The following CACNA2D1 variants were observed in gnomAD, a reference collection of about 807,000 sequenced individuals.
CACNA2D1 encodes voltage-dependent calcium channel subunit alpha-2/delta-1.
A neutral mutation model predicts 171.5 loss-of-function variants in CACNA2D1; 53 were observed. That is an observed-to-expected ratio of 0.31 (90% confidence interval 0.25 to 0.39). The LOEUF is 0.39. Among genes scored for constraint, CACNA2D1 ranks in the 10% least tolerant of loss-of-function variants. CACNA2D1 has a pLI of 1.00. For synonymous variants in CACNA2D1, 442 were observed against 443.1 expected (o/e 1.00, Z 0.03); for missense variants, 903 against 1,299.8 (o/e 0.69, Z 4.69).
chr7:82,237,205 A>G (rs549549840), intron 3 of CACNA2D1, among the ~76,000 whole-genome samples: 21 of 152,128 alleles, frequency 1.4e-4, no homozygotes, highest in Admixed American at 3.3e-4. Context: ...AAAAAATTTT[A>G]CAAGTCTCCC....
At chr7:82,097,914 G>T (rs999913544) in intron 6 of CACNA2D1, among the ~76,000 whole-genome samples, 4 of 152,032 alleles carry the variant, frequency 2.6e-5, no homozygotes, top group African/African-American at 9.7e-5. Context: ...AGGAGTTCAA[G>T]ACCAGCCTGG....
chr7:81,963,544 G>T (rs1242781119), intron 34 of CACNA2D1, among the ~76,000 whole-genome samples: 2 of 151,912 alleles, frequency 1.3e-5, no homozygotes, highest in African/African-American at 4.8e-5. Context: ...GGGAGGTTTG[G>T]AAGGTAGCAT....
chr7:82,424,364 T>C (rs1828995340), intron 1 of CACNA2D1, among the ~76,000 whole-genome samples: 1 of 152,176 alleles, frequency 6.6e-6, no homozygotes. Flanking sequence ...ATTTTTTTCT[T>C]TGAAAAACAG....
intron 1 of CACNA2D1, among the ~76,000 whole-genome samples, chr7:82,356,307 C>G (rs966938229): frequency 7.9e-5 from 12 of 152,102 alleles, no homozygotes; most frequent in Non-Finnish European, 1.8e-4. Context: ...CACACATTTC[C>G]ATGCATGTTG....
intron 3 of CACNA2D1, among the ~76,000 whole-genome samples, chr7:82,236,052 A>G (rs1319710191): frequency 6.6e-6 from 1 of 152,100 alleles, no homozygotes; most frequent in Non-Finnish European, 1.5e-5. Context: ...GTGAAAAGCC[A>G]AGGAGTGAAC....
intron 1 of CACNA2D1, among the ~76,000 whole-genome samples, chr7:82,380,957 AGT>A: frequency 6.6e-6 from 1 of 152,030 alleles, no homozygotes; most frequent in African/African-American, 2.4e-5. Context: ...GGCCTCCCAA[AGT>A]GCTGGGACTA....
At chr7:82,149,502 C>T (rs1237778861) in intron 4 of CACNA2D1, among the ~76,000 whole-genome samples, 2 of 152,002 alleles carry the variant, frequency 1.3e-5, no homozygotes, top group African/African-American at 4.8e-5. Flanking sequence ...TCAAAACGGT[C>T]ACATCCAAAG....
intron 6 of CACNA2D1, among the ~76,000 whole-genome samples, chr7:82,103,395 G>A (rs185827487): frequency 1.5e-4 from 23 of 152,296 alleles, no homozygotes; most frequent in African/African-American, 4.8e-4. Flanking sequence ...TTTTAATTAA[G>A]AGAGGAGAAA....
intron 3 of CACNA2D1, among the ~76,000 whole-genome samples, chr7:82,210,748 G>C (rs1013438096): frequency 6.6e-6 from 1 of 152,050 alleles, no homozygotes; most frequent in African/African-American, 2.4e-5. Flanking sequence ...TTAGGTAAGG[G>C]GAAACGTCTA....
At position 82,391,364 on chromosome 7, in the gene CACNA2D1, A is replaced by G. The variant is rs568073027; in HGVS notation, c.96-41715T>C. Among the ~76,000 whole-genome samples, 8 of 152,310 alleles carry G rather than the reference A, an allele frequency of 5.3e-5. No homozygotes were observed. In the East Asian group the frequency reaches 7.7e-4, roughly 15 times the overall value. On this transcript the variant is annotated intron_variant, in intron 1 of 38. Coordinates refer to ENST00000356860, the MANE Select transcript of CACNA2D1 (RefSeq NM_000722.4). ...AACAGTAGATTGATTATGACTGGCA[A>G]ACCATGCAGTGCAGTCTCCACTTCT...
chr7:82,138,426 G>GTTTTTTTTTTTTTTTTT (rs1159205363), intron 4 of CACNA2D1, among the ~76,000 whole-genome samples: 1 of 101,314 alleles, frequency 9.9e-6, no homozygotes. Context: ...TATAGCATTA[G>GTTTTTTTTTTTTTTTTT]TTTTGTTTTT....
At chr7:82,232,861 C>CAAAAAAAAAAAAAAAAAAAAA (rs71093370) in intron 3 of CACNA2D1, among the ~76,000 whole-genome samples, 1 of 52,412 alleles carries the variant, frequency 1.9e-5, no homozygotes, top group African/African-American at 6.6e-5. Context: ...GAGATGTCTC[C>CAAAAAAAAAAAAAAAAAAAAA]AAAAAAAAAA....
At chr7:82,430,055 G>C (rs1232482096) in intron 1 of CACNA2D1, among the ~76,000 whole-genome samples, 1 of 152,110 alleles carries the variant, frequency 6.6e-6, no homozygotes, top group Admixed American at 6.6e-5. Context: ...TATTTTTAAA[G>C]TGACAAACTT....
rs377718547 is a variant in CACNA2D1, at chr7:82,212,681, T to C, written c.295-42072A>G. Among the ~76,000 whole-genome samples, 6 of 152,358 alleles carry C rather than the reference T, an allele frequency of 3.9e-5. No individual in the cohort carries two copies. The East Asian group carries it at 7.7e-4, about 20-fold the overall frequency. On this transcript the variant is annotated intron_variant, in intron 3 of 38. Coordinates refer to ENST00000356860, the MANE Select transcript of CACNA2D1 (RefSeq NM_000722.4). ...GTCATGGCTGAAGCCATTTGCCCTT[T>C]AGACTTTGTCTGAACTGGCACAATT...
intron 1 of CACNA2D1, among the ~76,000 whole-genome samples, chr7:82,406,802 G>A (rs192134528): frequency 6.6e-6 from 1 of 151,540 alleles, no homozygotes; most frequent in Non-Finnish European, 1.5e-5. Context: ...TAGTTTTGGG[G>A]ACAAGTCTTT....
At chr7:81,954,530 A>G (rs1792993788) in intron 38 of CACNA2D1, among the ~76,000 whole-genome samples, 1 of 152,064 alleles carries the variant, frequency 6.6e-6, no homozygotes, top group Non-Finnish European at 1.5e-5. Context: ...TTTTGAAGTT[A>G]CTGTTGCTAA....
At chr7:81,979,181 G>A (rs1796188447) in intron 24 of CACNA2D1, among the ~76,000 whole-genome samples, 2 of 152,108 alleles carry the variant, frequency 1.3e-5, no homozygotes, top group South Asian at 4.1e-4. Context: ...GGAGGGTTGG[G>A]GAAGGATGGG....
At chr7:82,155,358 A>T (rs1393666688) in intron 4 of CACNA2D1, among the ~76,000 whole-genome samples, 1 of 152,176 alleles carries the variant, frequency 6.6e-6, no homozygotes, top group Non-Finnish European at 1.5e-5. Context: ...ACTGATGTTC[A>T]GGTAGGTAAG....
chr7:82,280,099 A>G (rs1485440440), intron 3 of CACNA2D1, among the ~76,000 whole-genome samples: 3 of 152,156 alleles, frequency 2.0e-5, no homozygotes, highest in African/African-American at 7.2e-5. Context: ...AATCTTGTGA[A>G]TCAAAAAGAA....
Sources: gnomAD v4.1 joint callset for allele counts (sites outside exome capture counted in the v4.1 genomes callset) on GRCh38, gnomAD v4.1.1 for gene constraint, MANE v1.5 for transcripts, NCBI Gene and HGNC (gene_info 2026-07-23, HGNC 2026-07-21) for gene names.